The following FSD2 variants were observed in gnomAD, a reference collection of about 807,000 sequenced individuals.
The protein encoded by FSD2 is fibronectin type III and SPRY domain-containing protein 2.
Under a neutral mutation model 80.4 loss-of-function variants are expected in FSD2, and 71 were observed. The ratio of observed to expected loss-of-function variants is 0.88; its 90% CI spans 0.73 to 1.08. The LOEUF (loss-of-function observed/expected upper bound fraction) is 1.08. FSD2 is among the 50% of genes least tolerant of loss of function. The pLI, the probability that FSD2 is intolerant of heterozygous loss-of-function variation, is 0.00. For missense variants in FSD2, 923 were observed against 913.8 expected (o/e 1.01, Z -0.13); for synonymous variants, 361 against 329.5 (o/e 1.10, Z -1.03).
intron 3 of FSD2, among the ~76,000 whole-genome samples, chr15:82,786,176 G>A (rs1288315223): frequency 1.3e-5 from 2 of 152,152 alleles, no homozygotes; most frequent in Non-Finnish European, 2.9e-5. Context: ...TTGTGATTGG[G>A]AAATTTCTAC....
chr15:82,765,860 CT>C, intron 10 of FSD2, 37 bp downstream of exon 10: 1 of 1,574,590 alleles, frequency 6.4e-7, no homozygotes, highest in Non-Finnish European at 8.6e-7. Flanking sequence ...AGAGTGGCCA[CT>C]TTGGGTCCCA....
chr15:82,785,604 G>GT (rs1206087025), intron 3 of FSD2, among the ~76,000 whole-genome samples: 1 of 152,118 alleles, frequency 6.6e-6, no homozygotes, highest in Admixed American at 6.6e-5. Flanking sequence ...GATTACAGGC[G>GT]TTAGCCACCG....
chr15:82,784,084 T>G (rs1222502321), intron 3 of FSD2, among the ~76,000 whole-genome samples: 17 of 152,016 alleles, frequency 1.1e-4, no homozygotes, highest in Non-Finnish European at 1.6e-4. Context: ...ACTGAACACC[T>G]GCTATGTGCA....
intron 6 of FSD2, among the ~76,000 whole-genome samples, chr15:82,777,600 C>T (rs2049744175): frequency 6.6e-6 from 1 of 152,158 alleles, no homozygotes; most frequent in South Asian, 2.1e-4. Flanking sequence ...AATCCCAGCA[C>T]TTTGGGAAGC....
At chr15:82,781,583 G>A (rs1292662109) in intron 4 of FSD2, among the ~76,000 whole-genome samples, 2 of 152,184 alleles carry the variant, frequency 1.3e-5, no homozygotes, top group Non-Finnish European at 2.9e-5. Context: ...CATGTAGAGG[G>A]TTGGGTCAGA....
At chr15:82,795,694 T>C (rs1346524287) in intron 1 of FSD2, among the ~76,000 whole-genome samples, 1 of 151,876 alleles carries the variant, frequency 6.6e-6, no homozygotes, top group Middle Eastern at 3.2e-3. Context: ...TAGCCAGGCG[T>C]GGTGGCACAC....
intron 4 of FSD2, among the ~76,000 whole-genome samples, chr15:82,780,536 T>C (rs1211400364): frequency 1.3e-5 from 2 of 151,856 alleles, no homozygotes; most frequent in Non-Finnish European, 2.9e-5. Flanking sequence ...CGTTTTACCA[T>C]ATTGGCCAGG....
chr15:82,774,179 C>A (rs1462901965), intron 6 of FSD2, among the ~76,000 whole-genome samples: 1 of 152,116 alleles, frequency 6.6e-6, no homozygotes, highest in Admixed American at 6.5e-5. Context: ...CTCAAGCAAT[C>A]CTCCCACTTC....
intron 1 of FSD2, among the ~76,000 whole-genome samples, chr15:82,789,682 A>T (rs1044111041): frequency 2.0e-5 from 3 of 152,214 alleles, no homozygotes; most frequent in Non-Finnish European, 4.4e-5. Flanking sequence ...TTGCCCTCTG[A>T]AGTTCATTGC....
At chr15:82,779,948 G>A (rs967475297) in intron 5 of FSD2, among the ~76,000 whole-genome samples, 2 of 152,008 alleles carry the variant, frequency 1.3e-5, no homozygotes, top group East Asian at 3.9e-4. Context: ...GATGTTGGGG[G>A]TACTCCACAG....
At chr15:82,802,912 T>C (rs2050448595) in intron 1 of FSD2, among the ~76,000 whole-genome samples, 2 of 152,146 alleles carry the variant, frequency 1.3e-5, no homozygotes, top group Non-Finnish European at 2.9e-5. Flanking sequence ...CCTTACCACA[T>C]GCATGGTCTG....
intron 12 of FSD2, among the ~76,000 whole-genome samples, chr15:82,759,964 T>C (rs2049253413): frequency 6.6e-6 from 1 of 151,932 alleles, no homozygotes; most frequent in Non-Finnish European, 1.5e-5. Flanking sequence ...CGGCTAATTT[T>C]TGTATTTTTA....
chr15:82,794,965 C>T (rs571903704), intron 1 of FSD2, among the ~76,000 whole-genome samples: 1 of 152,292 alleles, frequency 6.6e-6, no homozygotes, highest in Admixed American at 6.5e-5. Context: ...ACCTCGTGAT[C>T]TGCCCGCCTG....
Position 82,755,642 on chromosome 15 carries a change from G to A in FSD2, c.*3706C>T, listed in dbSNP as rs1393309295. 2 of 148,230 alleles carry A rather than the reference G, an allele frequency of 1.3e-5. No homozygotes were observed. The highest frequency in any genetic ancestry group is 4.0e-4 in the East Asian group (2 of 5,028). The allele number at this position is 148,230 out of a possible 1,614,324, so 9.2% of individuals were successfully genotyped here. On this transcript the variant is annotated 3_prime_UTR_variant, in exon 13 of 13. Transcript: ENST00000334574. ...TAGTCAGACATGATATACTTGACAAGAACCACCACCTGTTCAGTAGCAACT... is the reference window on the plus strand; with the variant it reads ...TAGTCAGACATGATATACTTGACAAAAACCACCACCTGTTCAGTAGCAACT...
chr15:82,765,490 C>T (rs1395804457), intron 10 of FSD2, among the ~76,000 whole-genome samples, 192 bp from the exon 11 acceptor site: 1 of 152,092 alleles, frequency 6.6e-6, no homozygotes, highest in Non-Finnish European at 1.5e-5. Context: ...CCCTTCAATC[C>T]TCACGACGAC....
chr15:82,803,218 C>T (rs2050454252), intron 1 of FSD2, among the ~76,000 whole-genome samples: 1 of 152,118 alleles, frequency 6.6e-6, no homozygotes, highest in Non-Finnish European at 1.5e-5. Flanking sequence ...CGAAATCTTG[C>T]TTGAAACCCT....
At chr15:82,798,018 G>A (rs746701652) in intron 1 of FSD2, among the ~76,000 whole-genome samples, 4 of 151,972 alleles carry the variant, frequency 2.6e-5, no homozygotes, top group Non-Finnish European at 4.4e-5. Flanking sequence ...TATCATAGAT[G>A]ACCAACAAAA....
intron 1 of FSD2, among the ~76,000 whole-genome samples, chr15:82,789,951 C>T (rs768131740): frequency 6.6e-6 from 1 of 152,042 alleles, no homozygotes; most frequent in Non-Finnish European, 1.5e-5. Context: ...CCAAGATGGG[C>T]GGATCATGAG....
intron 3 of FSD2, among the ~76,000 whole-genome samples, chr15:82,786,238 C>G (rs1456937699): frequency 6.6e-6 from 1 of 152,070 alleles, no homozygotes; most frequent in African/African-American, 2.4e-5. Context: ...TGAAACATAC[C>G]ATGTAGTAGG....
Sources: gnomAD v4.1 joint callset for allele counts (sites outside exome capture counted in the v4.1 genomes callset) on GRCh38, gnomAD v4.1.1 for gene constraint, MANE v1.5 for transcripts, NCBI Gene and HGNC (gene_info 2026-07-23, HGNC 2026-07-21) for gene names.